Variants in ZNF385D observed in about 807,000 individuals in gnomAD.
ZNF385D encodes the protein zinc finger protein 659.
Under a neutral mutation model 35.8 loss-of-function variants are expected in ZNF385D, and 15 were observed. The observed-to-expected ratio is 0.42, with a 90% CI of 0.28 to 0.64. The LOEUF (loss-of-function observed/expected upper bound fraction) is 0.64, where lower values mean the gene tolerates loss of function less well. Ranked by LOEUF, ZNF385D falls within the 30% of genes least tolerant of loss-of-function variation. The pLI, the probability that ZNF385D is intolerant of heterozygous loss-of-function variation, is 0.23. For synonymous variants in ZNF385D, 212 were observed against 186.8 expected, an observed-to-expected ratio of 1.13 and a Z score of -1.10; for missense variants, 474 against 494.6, an observed-to-expected ratio of 0.96 and a Z score of 0.39.
chr3:22,341,383 G>C (rs1369726727), intron 2 of ZNF385D, among the ~76,000 whole-genome samples: 1 of 152,078 alleles, frequency 6.6e-6, no homozygotes, highest in African/African-American at 2.4e-5. Context: ...CTAAGTTGAG[G>C]AGTTGTGACA....
intron 2 of ZNF385D, among the ~76,000 whole-genome samples, chr3:22,216,122 A>T (rs1183176759): frequency 6.6e-6 from 1 of 151,868 alleles, no homozygotes. Flanking sequence ...TAGTCCTTAA[A>T]ATTTAGATTA....
rs918100875 is a variant in ZNF385D at position 22,050,924 on chromosome 3, G to C, written c.325+117893C>G. Among the ~76,000 whole-genome samples the C allele has an allele frequency of 1.6e-4, 4 of 25,282 alleles. 2 individuals are homozygous for C. Among genetic ancestry groups the C allele is most frequent in the Non-Finnish European group, 3.4e-4 (4 of 11,918 alleles). 16.6% of individuals were successfully genotyped at this position (25,282 alleles called of 152,430 possible). A position where few individuals can be genotyped will look rare whatever the true frequency, so the allele number is the denominator to read the frequency against. ...AGGAGAGCTTTACTTCCAACTATGT[G>C]GTCAATTTTGGAATAGGTGTGGTGT... On this transcript the variant is annotated intron_variant, in intron 3 of 5. Coordinates refer to the ZNF385D transcript ENST00000494108.
chr3:22,181,850 C>T (rs941349513), intron 2 of ZNF385D, among the ~76,000 whole-genome samples: 2 of 152,110 alleles, frequency 1.3e-5, no homozygotes, highest in South Asian at 2.1e-4. Flanking sequence ...TCTTACATTT[C>T]ACTTCTACAA....
intron 4 of ZNF385D, among the ~76,000 whole-genome samples, chr3:21,509,099 C>G (rs1707007411): frequency 6.6e-6 from 1 of 151,834 alleles, no homozygotes; most frequent in Non-Finnish European, 1.5e-5. Context: ...GCAGCTCTAC[C>G]TACCACACAT....
chr3:21,486,219 C>T (rs1705019035), intron 4 of ZNF385D, among the ~76,000 whole-genome samples: 2 of 141,192 alleles, frequency 1.4e-5, no homozygotes, highest in South Asian at 2.5e-4. Flanking sequence ...AATAATGAGG[C>T]TAATCTGACT....
At chr3:21,873,031 C>T (rs1049522733) in intron 3 of ZNF385D, among the ~76,000 whole-genome samples, 4 of 151,992 alleles carry the variant, frequency 2.6e-5, no homozygotes, top group African/African-American at 4.8e-5. Context: ...AGTCAAGGTT[C>T]GGCATCATAT....
chr3:21,848,908 G>C (rs1014483362), intron 3 of ZNF385D, among the ~76,000 whole-genome samples: 1 of 152,014 alleles, frequency 6.6e-6, no homozygotes, highest in Non-Finnish European at 1.5e-5. Flanking sequence ...AGAGATCATA[G>C]TCTTCTATCT....
intron 2 of ZNF385D, among the ~76,000 whole-genome samples, chr3:22,171,853 G>A (rs1331713187): frequency 7.0e-6 from 1 of 141,904 alleles, no homozygotes; most frequent in Non-Finnish European, 1.5e-5. Context: ...TCCCAGCCTG[G>A]GCAACAGAGC....
chr3:22,282,528 G>T (rs1201760387), intron 2 of ZNF385D, among the ~76,000 whole-genome samples: 2 of 151,886 alleles, frequency 1.3e-5, no homozygotes, highest in Non-Finnish European at 2.9e-5. Context: ...ATTTCCATGT[G>T]TTTGCATAGT....
chr3:21,590,633 C>A (rs1019187026), intron 2 of ZNF385D, among the ~76,000 whole-genome samples: 3 of 152,024 alleles, frequency 2.0e-5, no homozygotes, highest in Non-Finnish European at 4.4e-5. Flanking sequence ...AGTATAGTCA[C>A]AATTAACAAA....
At chr3:22,100,626 T>A (rs189126496) in intron 3 of ZNF385D, among the ~76,000 whole-genome samples, 3 of 135,274 alleles carry the variant, frequency 2.2e-5, no homozygotes, top group Non-Finnish European at 3.0e-5. Context: ...TAGGTGGGAA[T>A]TGAACAATGA....
chr3:22,256,280 G>C (rs1348255534), intron 2 of ZNF385D, among the ~76,000 whole-genome samples: 1 of 149,690 alleles, frequency 6.7e-6, no homozygotes, highest in Non-Finnish European at 1.5e-5. Flanking sequence ...TGTCCCTCTA[G>C]AGAACCCTAA....
At chr3:22,030,459 G>A (rs1031871743) in intron 3 of ZNF385D, among the ~76,000 whole-genome samples, 1 of 150,680 alleles carries the variant, frequency 6.6e-6, no homozygotes, top group East Asian at 2.0e-4. Flanking sequence ...GGGAGAGAGA[G>A]AGGGAGGGAG....
Position 21,894,923 on chromosome 3 carries a change from G to C in ZNF385D, c.326-229895C>G, listed in dbSNP as rs1435806246. On this transcript the variant is annotated intron_variant, in intron 3 of 5. Transcript: ENST00000494108. ...TACCAGGAGCTCATGGCAAAGAGAG[G>C]ACACAGATGTTTATAAACAGCAAAA... 1.0e-4 allele frequency among the ~76,000 whole-genome samples: 15 copies of C among 150,652 alleles called. No individual in the cohort carries two copies. In the East Asian group the frequency reaches 2.7e-3, roughly 27 times the overall value.
intron 3 of ZNF385D, among the ~76,000 whole-genome samples, chr3:21,907,489 T>C (rs171828): frequency 0.6 from 90,611 of 151,914 alleles, 27,467 homozygotes; most frequent in South Asian, 0.72. Context: ...AATGCTTGTG[T>C]GAATAAGTCC....
intron 2 of ZNF385D, among the ~76,000 whole-genome samples, chr3:22,332,940 G>A (rs780955505): frequency 2.0e-5 from 3 of 150,356 alleles, no homozygotes; most frequent in African/African-American, 4.9e-5. Context: ...CTTTCCTTCC[G>A]GTAACATTTC....
At chr3:21,962,542 G>A (rs982536331) in intron 3 of ZNF385D, among the ~76,000 whole-genome samples, 4 of 152,194 alleles carry the variant, frequency 2.6e-5, no homozygotes, top group African/African-American at 9.7e-5. Flanking sequence ...GCTTTGTAGA[G>A]AGAATTAGTT....
chr3:22,017,708 T>C (rs762534930), intron 3 of ZNF385D, among the ~76,000 whole-genome samples: 2 of 151,954 alleles, frequency 1.3e-5, no homozygotes, highest in Non-Finnish European at 2.9e-5. Flanking sequence ...GGCAGCAATG[T>C]CCTAAATTTA....
At chr3:21,784,665 G>C (rs926226607) in intron 3 of ZNF385D, among the ~76,000 whole-genome samples, 4 of 151,608 alleles carry the variant, frequency 2.6e-5, no homozygotes, top group East Asian at 1.9e-4. Flanking sequence ...TTTTTAAATT[G>C]TATATATATT....
Sources: gnomAD v4.1 joint callset for allele counts (sites outside exome capture counted in the v4.1 genomes callset) on GRCh38, gnomAD v4.1.1 for gene constraint, MANE v1.5 for transcripts, NCBI Gene and HGNC (gene_info 2026-07-23, HGNC 2026-07-21) for gene names.